Variants in DAB1 observed in about 807,000 individuals in gnomAD.
DAB1 encodes the protein disabled homolog 1.
DAB1 carries 15 observed loss-of-function variants against 64.6 expected under a neutral mutation model. The observed-to-expected ratio is 0.23, with a 90% CI of 0.16 to 0.36. The LOEUF is 0.36. DAB1 is among the 10% of genes least tolerant of loss of function. The probability of loss-of-function intolerance (pLI) is 1.00; values close to 1 mark genes in which losing one functional copy is unlikely to be tolerated. For missense variants in DAB1, 596 were observed against 706.7 expected, an observed-to-expected ratio of 0.84 and a Z score of 1.78; for synonymous variants, 235 against 251.9, an observed-to-expected ratio of 0.93 and a Z score of 0.64.
intron 7 of DAB1, among the ~76,000 whole-genome samples, chr1:57,513,426 TC>T (rs1353527735): frequency 3.3e-5 from 5 of 152,196 alleles, no homozygotes; most frequent in African/African-American, 1.2e-4. Flanking sequence ...CTCATTCATA[TC>T]TTTTTTCTTT....
chr1:57,709,801 C>A (rs1186467076), intron 6 of DAB1, among the ~76,000 whole-genome samples: 1 of 152,104 alleles, frequency 6.6e-6, no homozygotes, highest in South Asian at 2.1e-4. Flanking sequence ...GGGTTCTCTA[C>A]CTGGATGGAG....
At chr1:57,211,967 C>A (rs1666046137) in intron 2 of DAB1, among the ~76,000 whole-genome samples, 1 of 152,114 alleles carries the variant, frequency 6.6e-6, no homozygotes, top group Admixed American at 6.5e-5. Flanking sequence ...TGGAACCAAT[C>A]CCCCAAAGAT....
intron 7 of DAB1, among the ~76,000 whole-genome samples, chr1:57,585,624 T>C (rs1393407952): frequency 6.6e-6 from 1 of 152,204 alleles, no homozygotes; most frequent in East Asian, 1.9e-4. Context: ...CATTTATGGT[T>C]TCTTTCTACC....
At chr1:57,711,090 A>G (rs1016188350) in intron 6 of DAB1, among the ~76,000 whole-genome samples, 3 of 152,218 alleles carry the variant, frequency 2.0e-5, no homozygotes, top group Non-Finnish European at 4.4e-5. Flanking sequence ...CTCAGGAATA[A>G]TGGCTGGTAA....
chr1:57,295,863 G>A (rs1396661669), intron 1 of DAB1, among the ~76,000 whole-genome samples: 2 of 152,046 alleles, frequency 1.3e-5, no homozygotes, highest in Non-Finnish European at 2.9e-5. Context: ...GATGGTAAGG[G>A]GGATCGTAGA....
rs925987812 is a variant in DAB1 at position 57,080,272 on chromosome 1, A to C, written c.307-7858T>G. ...AACTGTCACTCTCCTTTATCTCTAT[A>C]AATTTGTCAGTAAACATTTTTATGA... On this transcript the variant is annotated intron_variant, in intron 4 of 14. Coordinates refer to ENST00000371236, the MANE Select transcript of DAB1 (RefSeq NM_001365792.1). Among the ~76,000 whole-genome samples, 3 of 152,122 alleles carry C rather than the reference A, an allele frequency of 2.0e-5. No homozygotes were observed. The East Asian group carries it at 5.8e-4, about 29-fold the overall frequency.
chr1:57,674,992 A>G (rs1396280996), intron 6 of DAB1, among the ~76,000 whole-genome samples: 3 of 152,176 alleles, frequency 2.0e-5, no homozygotes, highest in African/African-American at 7.2e-5. Context: ...GAAGAAATGT[A>G]TGTGTCACTT....
chr1:57,414,450 T>A (rs925424781), intron 1 of DAB1, among the ~76,000 whole-genome samples: 2 of 152,226 alleles, frequency 1.3e-5, no homozygotes, highest in East Asian at 3.8e-4. Context: ...TACATTGATT[T>A]TTTTACATAA....
chr1:57,710,266 A>G (rs937011352), intron 6 of DAB1, among the ~76,000 whole-genome samples: 3 of 152,044 alleles, frequency 2.0e-5, no homozygotes, highest in African/African-American at 2.4e-5. Flanking sequence ...GTATACCTCC[A>G]TAGGTTTTCT....
At chr1:58,541,800 T>C (rs1646626169) in intron 1 of DAB1, among the ~76,000 whole-genome samples, 1 of 152,126 alleles carries the variant, frequency 6.6e-6, no homozygotes, top group Admixed American at 6.5e-5. Context: ...TCATGATAAA[T>C]AAAACTCACT....
chr1:58,327,642 C>A (rs1421000961), intron 4 of DAB1, among the ~76,000 whole-genome samples: 1 of 152,124 alleles, frequency 6.6e-6, no homozygotes, highest in Non-Finnish European at 1.5e-5. Context: ...AGCAGAGAGG[C>A]TTCTCAGGGA....
intron 4 of DAB1, among the ~76,000 whole-genome samples, chr1:58,227,319 G>A (rs760327861): frequency 9.2e-5 from 14 of 152,188 alleles, no homozygotes; most frequent in Admixed American, 4.6e-4. Flanking sequence ...TTTGTCTGGA[G>A]AGGCTGAATG....
chr1:57,567,261 T>C (rs954169335), intron 7 of DAB1, among the ~76,000 whole-genome samples: 1 of 152,214 alleles, frequency 6.6e-6, no homozygotes, highest in Non-Finnish European at 1.5e-5. Flanking sequence ...AAATTAGGTA[T>C]TGATGGGATG....
At chr1:57,884,915 T>A (rs1260431375), upstream of DAB1, among the ~76,000 whole-genome samples, 3 of 152,178 alleles carry the variant, frequency 2.0e-5, no homozygotes, top group Non-Finnish European at 4.4e-5. Context: ...TCTCTAGCTG[T>A]GTGATCTTTG....
intron 1 of DAB1, among the ~76,000 whole-genome samples, chr1:57,367,099 AAAATAAAATAAAATAAAAT>A (rs1558249369): frequency 3.5e-5 from 4 of 115,090 alleles, no homozygotes; most frequent in African/African-American, 1.3e-4. Flanking sequence ...AAAATAAAAT[AAAATAAAATAAAATAAAAT>A]AAATAAATTA....
intron 4 of DAB1, among the ~76,000 whole-genome samples, chr1:58,208,785 T>G (rs1658410780): frequency 6.6e-6 from 1 of 152,204 alleles, no homozygotes; most frequent in Non-Finnish European, 1.5e-5. Flanking sequence ...TAATGACTTC[T>G]TTTCCTCTGG....
intron 6 of DAB1, among the ~76,000 whole-genome samples, chr1:57,779,656 A>G (rs1367028934): frequency 2.0e-5 from 3 of 152,208 alleles, no homozygotes; most frequent in African/African-American, 7.2e-5. Flanking sequence ...TGTGTGAAGC[A>G]GAAATAGAGA....
At chr1:58,023,578 G>T (rs1346377541) in intron 5 of DAB1, among the ~76,000 whole-genome samples, 1 of 152,200 alleles carries the variant, frequency 6.6e-6, no homozygotes, top group African/African-American at 2.4e-5. Flanking sequence ...GTCTCTGCAA[G>T]TCTAGTTCTC....
At chr1:57,001,811 A>G (rs1645879328) in intron 14 of DAB1, among the ~76,000 whole-genome samples, 1 of 152,120 alleles carries the variant, frequency 6.6e-6, no homozygotes, top group African/African-American at 2.4e-5. Flanking sequence ...ATACTTTAAG[A>G]CCTAGCTGAA....
Sources: gnomAD v4.1 joint callset for allele counts (sites outside exome capture counted in the v4.1 genomes callset) on GRCh38, gnomAD v4.1.1 for gene constraint, MANE v1.5 for transcripts, NCBI Gene and HGNC (gene_info 2026-07-23, HGNC 2026-07-21) for gene names.